The following NUBPL variants were observed in gnomAD, a reference collection of about 807,000 sequenced individuals.
NUBPL encodes the protein NUBP iron-sulfur cluster assembly factor, mitochondrial.
Under a neutral mutation model 45.7 loss-of-function variants are expected in NUBPL, and 31 were observed. The ratio of observed to expected loss-of-function variants is 0.68; its 90% CI spans 0.51 to 0.92. The LOEUF is 0.92. Among genes scored for constraint, NUBPL ranks in the 40% least tolerant of loss-of-function variants. The pLI is 0.00. For synonymous variants in NUBPL, 144 were observed against 140.9 expected (o/e 1.02, Z -0.15); for missense variants, 401 against 398.7 (o/e 1.01, Z -0.05).
chr14:31,787,628 G>A, intron 6 of NUBPL, 152 bp from the exon 7 acceptor site: 1 of 607,960 alleles, frequency 1.6e-6, no homozygotes, highest in Admixed American at 2.8e-5. Flanking sequence ...ATTCATCCAT[G>A]TATCCTTAGG....
intron 8 of NUBPL, among the ~76,000 whole-genome samples, chr14:31,841,047 T>C (rs994700336): frequency 6.6e-6 from 1 of 152,250 alleles, no homozygotes; most frequent in Non-Finnish European, 1.5e-5. Flanking sequence ...TTGTCATTGC[T>C]CTGTAGCATT....
intron 6 of NUBPL, among the ~76,000 whole-genome samples, chr14:31,679,067 TG>T (rs978785462): frequency 2.6e-5 from 4 of 152,140 alleles, no homozygotes; most frequent in Non-Finnish European, 4.4e-5. Flanking sequence ...TTTGCTATGA[TG>T]GGGCAGCACA....
At chr14:31,828,291 A>G (rs771061836) in intron 8 of NUBPL, among the ~76,000 whole-genome samples, 19 of 152,226 alleles carry the variant, frequency 1.2e-4, no homozygotes, top group Admixed American at 1.3e-4. Flanking sequence ...AGATAACTAA[A>G]TAAGGTTACT....
chr14:31,818,100 A>G (rs899276604), intron 7 of NUBPL, among the ~76,000 whole-genome samples: 2 of 152,232 alleles, frequency 1.3e-5, no homozygotes, highest in Non-Finnish European at 2.9e-5. Context: ...AAAGGGATCA[A>G]TGCAACAAGA....
At chr14:31,836,090 T>A (rs544800665) in intron 8 of NUBPL, among the ~76,000 whole-genome samples, 1 of 152,324 alleles carries the variant, frequency 6.6e-6, no homozygotes, top group African/African-American at 2.4e-5. Context: ...TGGGCCTCCT[T>A]AATTCAATAG....
chr14:31,632,272 A>C (rs1052126048), intron 4 of NUBPL, among the ~76,000 whole-genome samples: 2 of 152,170 alleles, frequency 1.3e-5, no homozygotes, highest in South Asian at 2.1e-4. Context: ...AGGAGTATCC[A>C]AATCTGAGAG....
chr14:31,757,143 G>A (rs1417600677), intron 6 of NUBPL, among the ~76,000 whole-genome samples: 4 of 145,258 alleles, frequency 2.8e-5, no homozygotes, highest in African/African-American at 9.9e-5. Context: ...GTTCATCAAG[G>A]ATATTGGTCT....
intron 6 of NUBPL, among the ~76,000 whole-genome samples, chr14:31,764,039 GAGTT>G (rs2038866860): frequency 6.6e-6 from 1 of 152,106 alleles, no homozygotes; most frequent in Non-Finnish European, 1.5e-5. Flanking sequence ...ATAGATGATT[GAGTT>G]AGTTAGTTTT....
At chr14:31,746,608 A>G (rs895125685) in intron 6 of NUBPL, among the ~76,000 whole-genome samples, 1 of 151,970 alleles carries the variant, frequency 6.6e-6, no homozygotes, top group South Asian at 2.1e-4. Flanking sequence ...CAATTTTTAC[A>G]TCTATGCTCA....
intron 4 of NUBPL, among the ~76,000 whole-genome samples, chr14:31,667,604 T>C (rs2036465281): frequency 6.6e-6 from 1 of 151,892 alleles, no homozygotes; most frequent in Non-Finnish European, 1.5e-5. Context: ...TGGAGAGGAG[T>C]TGTGATTACT....
At chr14:31,736,582 G>A (rs2038171136) in intron 6 of NUBPL, among the ~76,000 whole-genome samples, 1 of 152,064 alleles carries the variant, frequency 6.6e-6, no homozygotes, top group Non-Finnish European at 1.5e-5. Flanking sequence ...ACTGTATTAT[G>A]TACTACAAAA....
At chr14:31,653,459 G>C (rs1244483243) in intron 4 of NUBPL, among the ~76,000 whole-genome samples, 22 of 152,164 alleles carry the variant, frequency 1.4e-4, no homozygotes, top group Non-Finnish European at 1.5e-5. Flanking sequence ...GCTAGGAAAA[G>C]AATTTAGCGA....
chr14:31,744,331 G>C (rs1280677925), intron 6 of NUBPL, among the ~76,000 whole-genome samples: 1 of 152,102 alleles, frequency 6.6e-6, no homozygotes, highest in Non-Finnish European at 1.5e-5. Flanking sequence ...TAAGCATTTT[G>C]AATAATTGAT....
At position 31,649,732 on chromosome 14, in the gene NUBPL, A is replaced by T. The variant is rs546025441; in HGVS notation, c.383-23623A>T. On this transcript the variant is annotated intron_variant, in intron 4 of 10. Transcript: ENST00000281081. ...GTTGAGACTGCTGAAGTTATTTTTT[A>T]AAAATGTTAAGTATACATTTTATGT... is the stretch of plus-strand genomic sequence containing the variant. Among the ~76,000 whole-genome samples, 25 of 152,352 alleles carry T rather than the reference A, an allele frequency of 1.6e-4. No individual in the cohort carries two copies. In the East Asian group the frequency reaches 2.7e-3, roughly 16 times the overall value.
At chr14:31,745,718 C>T in intron 6 of NUBPL, among the ~76,000 whole-genome samples, 1 of 151,798 alleles carries the variant, frequency 6.6e-6, no homozygotes, top group South Asian at 2.1e-4. Context: ...CATATTCAGG[C>T]TTATGTACAA....
intron 2 of NUBPL, among the ~76,000 whole-genome samples, chr14:31,564,194 A>G (rs1786578360): frequency 6.6e-6 from 1 of 152,122 alleles, no homozygotes; most frequent in Admixed American, 6.5e-5. Flanking sequence ...GCATATTCCT[A>G]TTGCTGGTCT....
At chr14:31,687,813 CACA>C (rs1264868631) in intron 6 of NUBPL, among the ~76,000 whole-genome samples, 11 of 152,172 alleles carry the variant, frequency 7.2e-5, no homozygotes, top group Admixed American at 5.9e-4. Context: ...AGAGGAAAAT[CACA>C]ACATTACAAA....
rs373742014 is a variant in NUBPL at position 31,623,175 on chromosome 14, G to T, written c.382+23796G>T. ...CCTACTGGATTTTGGACTTGCATGG[G>T]GCCTGTAGCCCCTTTGTTTTGGCCA... On this transcript the variant is annotated intron_variant, in intron 4 of 10. Coordinates refer to ENST00000281081, the MANE Select transcript of NUBPL (RefSeq NM_025152.3). Among the ~76,000 whole-genome samples the T allele has an allele frequency of 1.4e-3, 218 of 152,340 alleles. 1 individual carries two copies. In the South Asian group the frequency reaches 0.018, roughly 13 times the overall value.
At chr14:31,834,414 C>T (rs1244050567) in intron 8 of NUBPL, among the ~76,000 whole-genome samples, 7 of 152,072 alleles carry the variant, frequency 4.6e-5, no homozygotes, top group Non-Finnish European at 7.3e-5. Context: ...CTCCTGACTT[C>T]ATGATCTGCC....
Sources: allele counts gnomAD v4.1 joint callset (sites outside exome capture counted in the v4.1 genomes callset), GRCh38; gene constraint gnomAD v4.1.1; transcripts MANE v1.5; gene names NCBI Gene and HGNC (gene_info 2026-07-23, HGNC 2026-07-21).